Variants in CTNNA3 observed in about 807,000 individuals in gnomAD.
CTNNA3 encodes the protein catenin alpha-3.
CTNNA3 carries 76 observed loss-of-function variants against 95.7 expected under a neutral mutation model. The ratio of observed to expected loss-of-function variants is 0.79; its 90% CI spans 0.66 to 0.96. The LOEUF (loss-of-function observed/expected upper bound fraction) is 0.96, where lower values mean the gene tolerates loss of function less well. Among genes scored for constraint, CTNNA3 ranks in the 40% least tolerant of loss-of-function variants. CTNNA3 has a pLI of 0.00. For synonymous variants in CTNNA3, 431 were observed against 374.4 expected (o/e 1.15, Z -1.74); for missense variants, 1,191 against 1,089.8 (o/e 1.09, Z -1.31).
At chr10:66,052,448 G>A (rs1296699203) in intron 15 of CTNNA3, among the ~76,000 whole-genome samples, 2 of 151,352 alleles carry the variant, frequency 1.3e-5, no homozygotes, top group Non-Finnish European at 1.5e-5. Flanking sequence ...AAGCATTCGA[G>A]GTCAAAGACT....
intron 11 of CTNNA3, among the ~76,000 whole-genome samples, chr10:66,437,112 C>T (rs1044864683): frequency 4.3e-4 from 66 of 152,116 alleles, no homozygotes; most frequent in African/African-American, 1.3e-3. Flanking sequence ...TCTCTGGCTG[C>T]TCTTAACATT....
intron 5 of CTNNA3, among the ~76,000 whole-genome samples, chr10:67,407,311 C>CA (rs1294860611): frequency 1.3e-5 from 2 of 152,112 alleles, no homozygotes; most frequent in South Asian, 2.1e-4. Context: ...GAACTAAAAA[C>CA]AAAAAACACA....
chr10:67,660,373 C>T (rs563315176), intron 1 of CTNNA3, among the ~76,000 whole-genome samples: 251 of 151,960 alleles, frequency 1.7e-3, no homozygotes, highest in Admixed American at 2.7e-3. Context: ...TGGAAGCAAG[C>T]AACAAAACAT....
intron 13 of CTNNA3, among the ~76,000 whole-genome samples, chr10:66,163,099 C>T (rs1036976262): frequency 6.6e-5 from 10 of 152,090 alleles, no homozygotes; most frequent in South Asian, 6.2e-4. Context: ...AGGTGAAGGG[C>T]GAGATGGGCT....
intron 5 of CTNNA3, among the ~76,000 whole-genome samples, chr10:67,520,785 C>A (rs147621216): frequency 2.2e-4 from 34 of 152,268 alleles, no homozygotes; most frequent in African/African-American, 7.5e-4. Context: ...GAACACAATT[C>A]TCTTTTTGGC....
chr10:67,266,469 G>A (rs1342176995), intron 5 of CTNNA3, among the ~76,000 whole-genome samples: 3 of 151,934 alleles, frequency 2.0e-5, no homozygotes, highest in Non-Finnish European at 4.4e-5. Context: ...GCACAAGACT[G>A]GCAATATTCT....
At chr10:66,816,545 G>T (rs1373520097) in intron 7 of CTNNA3, among the ~76,000 whole-genome samples, 1 of 152,028 alleles carries the variant, frequency 6.6e-6, no homozygotes, top group Non-Finnish European at 1.5e-5. Context: ...TGACAGTATT[G>T]AAAGAACAAA....
intron 16 of CTNNA3, among the ~76,000 whole-genome samples, chr10:65,970,119 T>C (rs1361675329): frequency 6.6e-6 from 1 of 152,132 alleles, no homozygotes; most frequent in Non-Finnish European, 1.5e-5. Context: ...TGGAGGCCTA[T>C]TTTCAGAATT....
intron 7 of CTNNA3, among the ~76,000 whole-genome samples, chr10:66,793,959 C>A (rs1841086093): frequency 6.6e-6 from 1 of 152,138 alleles, no homozygotes; most frequent in African/African-American, 2.4e-5. Flanking sequence ...AATACACAAG[C>A]AAATTTGGAA....
intron 11 of CTNNA3, among the ~76,000 whole-genome samples, chr10:66,454,803 G>T (rs2093485261): frequency 1.4e-5 from 2 of 140,160 alleles, no homozygotes; most frequent in Admixed American, 1.5e-4. Context: ...AGAGGAATGA[G>T]AGGAGGGAGA....
At chr10:66,591,731 C>A (rs1041217754) in intron 10 of CTNNA3, among the ~76,000 whole-genome samples, 1 of 152,058 alleles carries the variant, frequency 6.6e-6, no homozygotes, top group African/African-American at 2.4e-5. Context: ...ATGATGCCAT[C>A]CTGATATTCA....
chr10:66,799,178 A>G (rs1841329609), intron 7 of CTNNA3, among the ~76,000 whole-genome samples: 1 of 151,556 alleles, frequency 6.6e-6, no homozygotes, highest in Non-Finnish European at 1.5e-5. Flanking sequence ...AGCTTCTACA[A>G]TATATGATCC....
chr10:66,963,783 G>T (rs1849251228), intron 7 of CTNNA3, among the ~76,000 whole-genome samples: 1 of 152,000 alleles, frequency 6.6e-6, no homozygotes, highest in Admixed American at 6.6e-5. Flanking sequence ...GCAGAATTTG[G>T]GCTAGAAAGT....
At chr10:66,704,887 T>C (rs1047801568) in intron 9 of CTNNA3, among the ~76,000 whole-genome samples, 51 of 152,274 alleles carry the variant, frequency 3.3e-4, no homozygotes, top group African/African-American at 1.2e-3. Context: ...TGTTCATTCA[T>C]TCATTCATTC....
At chr10:66,417,172 G>A (rs769016935) in intron 11 of CTNNA3, among the ~76,000 whole-genome samples, 1 of 151,938 alleles carries the variant, frequency 6.6e-6, no homozygotes, top group Non-Finnish European at 1.5e-5. Context: ...GATTCCTATA[G>A]ACTGAGAGTA....
At chr10:66,494,341 T>C (rs1244726559) in intron 11 of CTNNA3, among the ~76,000 whole-genome samples, 2 of 152,212 alleles carry the variant, frequency 1.3e-5, no homozygotes, top group Non-Finnish European at 2.9e-5. Flanking sequence ...AAGATTAAAG[T>C]AATGTGTAGC....
At chr10:66,128,754 C>T (rs1424514757) in intron 13 of CTNNA3, among the ~76,000 whole-genome samples, 1 of 152,122 alleles carries the variant, frequency 6.6e-6, no homozygotes, top group Non-Finnish European at 1.5e-5. Flanking sequence ...ACCAAGAATA[C>T]ACCCTGATGT....
chr10:66,249,661 AC>A (rs1341270308), intron 13 of CTNNA3, among the ~76,000 whole-genome samples: 1 of 152,210 alleles, frequency 6.6e-6, no homozygotes, highest in East Asian at 1.9e-4. Flanking sequence ...AGAAAAGGGA[AC>A]TTTTGTACAC....
intron 13 of CTNNA3, among the ~76,000 whole-genome samples, chr10:66,179,244 C>G (rs556155688): frequency 6.6e-6 from 1 of 151,924 alleles, no homozygotes; most frequent in East Asian, 1.9e-4. Flanking sequence ...AACCTACTAA[C>G]GTATGCAAGA....
Sources: allele counts gnomAD v4.1 joint callset (sites outside exome capture counted in the v4.1 genomes callset), GRCh38; gene constraint gnomAD v4.1.1; transcripts MANE v1.5; gene names NCBI Gene and HGNC (gene_info 2026-07-23, HGNC 2026-07-21).